Variants in FANCL observed in about 807,000 individuals in gnomAD.
The protein encoded by FANCL is FA complementation group L.
In FANCL, 69 loss-of-function variants were observed where a neutral mutation model predicts 59.4. That is an observed-to-expected ratio of 1.16 (90% CI 0.96 to 1.42). The LOEUF (loss-of-function observed/expected upper bound fraction) is 1.42. FANCL is among the 40% of genes most tolerant of loss of function. FANCL has a pLI of 0.00. For missense variants in FANCL, 519 were observed against 447.2 expected, an observed-to-expected ratio of 1.16 and a Z score of -1.45; for synonymous variants, 180 against 147.1, an observed-to-expected ratio of 1.22 and a Z score of -1.62.
At position 58,238,539 on chromosome 2, in the gene FANCL, T is replaced by C. The variant is rs573943488; in HGVS notation, c.96+2679A>G. On this transcript the variant is annotated intron_variant, in intron 1 of 13. Transcript: ENST00000233741. ...AAGCCAATAAAATCAGAAACCTAGA[T>C]GAAACTAACAAATTCCTTGAAAGAC... Among the ~76,000 whole-genome samples the C allele has an allele frequency of 5.3e-5, 8 of 152,210 alleles. No homozygotes were observed. In the East Asian group the frequency reaches 1.5e-3, roughly 29 times the overall value.
chr2:58,159,244 T>G, downstream of FANCL: 1 of 854,070 alleles, frequency 1.2e-6, no homozygotes. Context: ...CGCAAAAACT[T>G]GATCTTGTAT....
intron 6 of FANCL, among the ~76,000 whole-genome samples, chr2:58,200,210 C>G (rs1178336476): frequency 6.6e-6 from 1 of 151,788 alleles, no homozygotes; most frequent in African/African-American, 2.4e-5. Context: ...TTGCTGTAAT[C>G]ACTGGAAAAA....
chr2:58,159,772 T>C lies in FANCL; in HGVS notation c.1121A>G (p.Lys374Arg), dbSNP rs745544496. 1.4e-5 allele frequency: 22 copies of C among 1,613,120 alleles called. No homozygotes were observed. The highest frequency in any genetic ancestry group is 5.0e-5 in the Admixed American group (3 of 59,944). ...AAATGTTGTATTCTTATTTCAGTGT[T>C]TCCTTCCAGACATTTTTAAGGTAAT... ...KPITLKMSGRKH is the reference protein window; with the variant it reads ...KPITLKMSGRRH The change falls in exon 14 of 14, where the codon AAA becomes AGA. Residue 374 changes from lysine (K) to arginine (R), a missense_variant. Physicochemically the swap from Lys to Arg is conservative, Grantham distance 26. Coordinates refer to ENST00000233741, the MANE Select transcript of FANCL (RefSeq NM_018062.4).
chr2:58,222,224 CT>C (rs531027272), intron 4 of FANCL, among the ~76,000 whole-genome samples, 182 bp from the exon 5 acceptor site: 33 of 152,100 alleles, frequency 2.2e-4, no homozygotes, highest in African/African-American at 7.5e-4. Flanking sequence ...AGTTAAAGGA[CT>C]GCACTGAAGG....
intron 7 of FANCL, among the ~76,000 whole-genome samples, chr2:58,167,643 A>G (rs1232209223): frequency 1.3e-5 from 2 of 152,256 alleles, no homozygotes; most frequent in African/African-American, 4.8e-5. Context: ...ATAAGAAAAT[A>G]GCCAAAAACA....
rs147079306 is a variant in FANCL, at chr2:58,199,979, G to C, written c.472-1317C>G. Among the ~76,000 whole-genome samples the C allele has an allele frequency of 1.1e-3, 170 of 151,754 alleles. 3 individuals carry two copies. In the East Asian group the frequency reaches 0.029, roughly 26 times the overall value. ...AATTAACATTTAGCTACAATAATAA[G>C]TTGGCTAAAAAGATTTACTATCAAT... On this transcript the variant is annotated intron_variant, in intron 6 of 13. Transcript: ENST00000233741.
chr2:58,227,342 C>G (rs1693111104), intron 3 of FANCL, among the ~76,000 whole-genome samples: 1 of 152,178 alleles, frequency 6.6e-6, no homozygotes, highest in South Asian at 2.1e-4. Context: ...CTTTCTGTAT[C>G]CCGTGGTTCC....
At chr2:58,186,835 A>G (rs1422197591) in intron 7 of FANCL, among the ~76,000 whole-genome samples, 1 of 152,202 alleles carries the variant, frequency 6.6e-6, no homozygotes, top group Non-Finnish European at 1.5e-5. Context: ...TGGTTGAGTA[A>G]AAAGTGCTGC....
At chr2:58,219,010 G>A (rs1043354413) in intron 5 of FANCL, among the ~76,000 whole-genome samples, 3 of 150,732 alleles carry the variant, frequency 2.0e-5, no homozygotes, top group Admixed American at 6.6e-5. Flanking sequence ...AGCACCCATA[G>A]TGCCCACATC....
At chr2:58,164,286 C>A (rs552519774) in intron 8 of FANCL, among the ~76,000 whole-genome samples, 5 of 152,108 alleles carry the variant, frequency 3.3e-5, no homozygotes, top group Non-Finnish European at 7.4e-5. Flanking sequence ...ATTCCATACA[C>A]TGTAGAATAA....
At chr2:58,214,011 C>T (rs1189045479) in intron 5 of FANCL, among the ~76,000 whole-genome samples, 1 of 152,026 alleles carries the variant, frequency 6.6e-6, no homozygotes, top group African/African-American at 2.4e-5. Flanking sequence ...TGTTATGTAC[C>T]CAGCCCTGTC....
At chr2:58,202,897 G>A (rs1198856981) in intron 6 of FANCL, among the ~76,000 whole-genome samples, 1 of 151,272 alleles carries the variant, frequency 6.6e-6, no homozygotes, top group African/African-American at 2.4e-5. Context: ...CTTTAGTTTT[G>A]GTCTTCATAG....
chr2:58,210,203 T>C (rs774777844), intron 5 of FANCL, among the ~76,000 whole-genome samples: 1 of 152,170 alleles, frequency 6.6e-6, no homozygotes, highest in Non-Finnish European at 1.5e-5. Context: ...ACCCAAGACT[T>C]GGCAATTTAC....
intron 7 of FANCL, among the ~76,000 whole-genome samples, chr2:58,176,045 C>G (rs1241888411): frequency 6.6e-6 from 1 of 151,900 alleles, no homozygotes; most frequent in African/African-American, 2.4e-5. Flanking sequence ...TCAAAGAGAA[C>G]AAAATACCTA....
intron 7 of FANCL, among the ~76,000 whole-genome samples, chr2:58,195,789 A>C (rs1364485994): frequency 6.6e-6 from 1 of 152,168 alleles, no homozygotes; most frequent in Non-Finnish European, 1.5e-5. Flanking sequence ...TAAAGCTTGC[A>C]AAGAATATGC....
At chr2:58,160,914 T>C (rs973737299) in intron 12 of FANCL, among the ~76,000 whole-genome samples, 3 of 151,950 alleles carry the variant, frequency 2.0e-5, no homozygotes, top group African/African-American at 7.2e-5. Context: ...GTTCTGTATA[T>C]AGTTACACAC....
At chr2:58,241,089 G>T in intron 1 of FANCL, 129 bp downstream of exon 1, 1 of 926,966 alleles carries the variant, frequency 1.1e-6, no homozygotes, top group African/African-American at 1.6e-5. Flanking sequence ...TCTCCCAAGA[G>T]CCGTTACGCG....
chr2:58,172,298 T>G (rs1336736485), intron 7 of FANCL, among the ~76,000 whole-genome samples: 1 of 152,220 alleles, frequency 6.6e-6, no homozygotes, highest in African/African-American at 2.4e-5. Context: ...GACTGCCTCC[T>G]TAAGTGGGTT....
At chr2:58,179,949 C>T (rs540174313) in intron 7 of FANCL, among the ~76,000 whole-genome samples, 23 of 152,166 alleles carry the variant, frequency 1.5e-4, no homozygotes, top group Middle Eastern at 6.8e-3. Flanking sequence ...CACATTTATG[C>T]GGCCAACAAA....
Sources: gnomAD v4.1 joint callset for allele counts (sites outside exome capture counted in the v4.1 genomes callset) on GRCh38, gnomAD v4.1.1 for gene constraint, MANE v1.5 for transcripts, NCBI Gene and HGNC (gene_info 2026-07-23, HGNC 2026-07-21) for gene names.